Variants in CACNA1C observed in about 807,000 individuals in gnomAD.
CACNA1C encodes the protein calcium voltage-gated channel subunit alpha1 C.
CACNA1C carries 30 observed loss-of-function variants against 229.0 expected under a neutral mutation model. That is an observed-to-expected ratio of 0.13 (90% CI 0.10 to 0.18). CACNA1C has a LOEUF of 0.18. CACNA1C is among the 10% of genes least tolerant of loss of function. CACNA1C has a pLI of 1.00. For missense variants in CACNA1C, 1,658 were observed against 2,845.0 expected (o/e 0.58, Z 9.49); for synonymous variants, 1,114 against 1,132.5 (o/e 0.98, Z 0.33).
chr12:2,562,805 A>G (rs898164337), intron 11 of CACNA1C, among the ~76,000 whole-genome samples: 1 of 152,252 alleles, frequency 6.6e-6, no homozygotes, highest in Admixed American at 6.5e-5. Flanking sequence ...ATCCAGGTGT[A>G]CAATGTGCAA....
At chr12:2,327,768 A>C (rs2096384024) in intron 3 of CACNA1C, among the ~76,000 whole-genome samples, 2 of 152,224 alleles carry the variant, frequency 1.3e-5, no homozygotes, top group African/African-American at 4.8e-5. Context: ...GCCAAAAGCA[A>C]AACGAAAATT....
chr12:2,615,218 G>A (rs555791944), intron 29 of CACNA1C, among the ~76,000 whole-genome samples: 8 of 152,318 alleles, frequency 5.3e-5, no homozygotes, highest in African/African-American at 1.4e-4. Flanking sequence ...GGACCAGGCT[G>A]GGCAGCACGA....
chr12:1,989,432 G>A (rs1168185301), intron 1 of CACNA1C, among the ~76,000 whole-genome samples: 1 of 151,944 alleles, frequency 6.6e-6, no homozygotes, highest in Admixed American at 6.6e-5. Context: ...GAAAGGAAAG[G>A]GGCTGGGCGT....
intron 3 of CACNA1C, among the ~76,000 whole-genome samples, chr12:2,304,719 C>G (rs369780417): frequency 1.4e-3 from 218 of 152,266 alleles, no homozygotes; most frequent in African/African-American, 5.0e-3. Context: ...CCCTCTGCAC[C>G]ACACAGGTAG....
At chr12:2,607,396 C>T (rs539695956) in intron 26 of CACNA1C, 5 of 405,658 alleles carry the variant, frequency 1.2e-5, no homozygotes, top group South Asian at 4.5e-5. Flanking sequence ...GCATGAGCCA[C>T]GATGTCAGAG....
intron 3 of CACNA1C, among the ~76,000 whole-genome samples, chr12:2,328,470 T>C (rs779956663): frequency 6.6e-6 from 1 of 152,202 alleles, no homozygotes; most frequent in Non-Finnish European, 1.5e-5. Context: ...GCTGAAGCGA[T>C]GGGTGGATTA....
At chr12:2,272,423 C>G (rs2085483945) in intron 3 of CACNA1C, among the ~76,000 whole-genome samples, 1 of 152,198 alleles carries the variant, frequency 6.6e-6, no homozygotes, top group Admixed American at 6.5e-5. Context: ...CTGGTGTCTG[C>G]CTCGTATCAT....
chr12:1,997,696 G>A (rs1307326167), intron 1 of CACNA1C, among the ~76,000 whole-genome samples: 1 of 152,174 alleles, frequency 6.6e-6, no homozygotes, highest in Non-Finnish European at 1.5e-5. Context: ...CCCAGTCAAT[G>A]ATTTAAGTTC....
chr12:2,254,789 T>C (rs189921523), intron 3 of CACNA1C, among the ~76,000 whole-genome samples: 393 of 152,062 alleles, frequency 2.6e-3, no homozygotes, highest in African/African-American at 9.1e-3. Context: ...GCCTGGGTGA[T>C]TCTGATACGT....
Position 2,611,551 on chromosome 12 carries a change from G to A in CACNA1C, c.3718-352G>A, listed in dbSNP as rs561550432. On this transcript the variant is annotated intron_variant, in intron 28 of 46. Coordinates refer to ENST00000399655, the MANE Select transcript of CACNA1C (RefSeq NM_000719.7). Reference sequence around the variant, plus strand: ...TGGAGAAGGGAGGGATGAGCTGGACGCATTCGTTGTCGGTAAGGTGTGGCG... The same window carrying A: ...TGGAGAAGGGAGGGATGAGCTGGACACATTCGTTGTCGGTAAGGTGTGGCG... Among the ~76,000 whole-genome samples, 9 of 152,246 alleles carry A rather than the reference G, an allele frequency of 5.9e-5. 1 individual carries two copies. Among genetic ancestry groups the A allele is most frequent in the East Asian group, 1.9e-4 (1 of 5,186 alleles).
At chr12:2,264,229 T>C (rs1246734264) in intron 3 of CACNA1C, among the ~76,000 whole-genome samples, 2 of 152,192 alleles carry the variant, frequency 1.3e-5, no homozygotes, top group African/African-American at 4.8e-5. Flanking sequence ...AGCCTGGGGA[T>C]GCCTCTGCAA....
At chr12:2,266,213 C>G (rs2082329038) in intron 3 of CACNA1C, among the ~76,000 whole-genome samples, 1 of 152,240 alleles carries the variant, frequency 6.6e-6, no homozygotes, top group South Asian at 2.1e-4. Context: ...CCTTCCTCCA[C>G]CTCCAGAACA....
intron 3 of CACNA1C, among the ~76,000 whole-genome samples, chr12:2,368,980 A>G (rs1452290639): frequency 2.0e-5 from 3 of 152,240 alleles, no homozygotes; most frequent in African/African-American, 4.8e-5. Flanking sequence ...AACAACCAGG[A>G]AACAGCCTCT....
At chr12:2,272,746 G>A (rs1337850986) in intron 3 of CACNA1C, among the ~76,000 whole-genome samples, 1 of 152,184 alleles carries the variant, frequency 6.6e-6, no homozygotes. Context: ...AAGGGCTGTG[G>A]CCACTGCCTG....
intron 1 of CACNA1C, among the ~76,000 whole-genome samples, chr12:1,976,096 GGATA>G (rs112075121): frequency 0.027 from 4,123 of 152,188 alleles, 87 homozygotes; most frequent in Middle Eastern, 0.048. Flanking sequence ...TTCTTTAGAT[GGATA>G]GTTTTCTTTA....
At chr12:2,048,063 A>T (rs1040800545), upstream of CACNA1C, among the ~76,000 whole-genome samples, 2 of 152,302 alleles carry the variant, frequency 1.3e-5, no homozygotes, top group South Asian at 4.1e-4. Context: ...GAGCTGGAGG[A>T]GCTGTGGGCT....
intron 2 of CACNA1C, among the ~76,000 whole-genome samples, chr12:2,119,725 C>T (rs2085652303): frequency 6.6e-6 from 1 of 152,322 alleles, no homozygotes; most frequent in Middle Eastern, 3.4e-3. Context: ...GCTTTCCTTC[C>T]CTACACTCAG....
At chr12:2,535,128 G>A (rs573483868) in intron 9 of CACNA1C, among the ~76,000 whole-genome samples, 15 of 152,322 alleles carry the variant, frequency 9.8e-5, no homozygotes, top group South Asian at 6.2e-4. Context: ...GGTGGCTCAC[G>A]CCTATCATCC....
At chr12:2,556,829 G>A in intron 10 of CACNA1C, 122 bp from the exon 11 acceptor site, 1 of 787,854 alleles carries the variant, frequency 1.3e-6, no homozygotes, top group Non-Finnish European at 2.3e-6. Flanking sequence ...TTCACACCAT[G>A]CCTCCTTCCA....
Sources: gnomAD v4.1 joint callset for allele counts (sites outside exome capture counted in the v4.1 genomes callset) on GRCh38, gnomAD v4.1.1 for gene constraint, MANE v1.5 for transcripts, NCBI Gene and HGNC (gene_info 2026-07-23, HGNC 2026-07-21) for gene names.